Variants in C8orf74 observed in about 807,000 individuals in gnomAD.
C8orf74 encodes the protein chromosome 8 open reading frame 74.
C8orf74 carries 29 observed loss-of-function variants against 22.2 expected under a neutral mutation model. The observed-to-expected ratio is 1.31, with a 90% CI of 0.97 to 1.78. The LOEUF (loss-of-function observed/expected upper bound fraction) is 1.78. Ranked by LOEUF, C8orf74 falls within the 40% of genes most tolerant of loss-of-function variation. C8orf74 has a pLI of 0.00. For missense variants in C8orf74, 515 were observed against 369.9 expected (o/e 1.39, Z -3.22); for synonymous variants, 255 against 163.1 (o/e 1.56, Z -4.30).
chr8:10,685,871 C>T (rs550089295), intron 2 of C8orf74, among the ~76,000 whole-genome samples: 2 of 152,120 alleles, frequency 1.3e-5, no homozygotes, highest in Non-Finnish European at 1.5e-5. Flanking sequence ...AGATTGAGAC[C>T]ATCCTGGCTA....
At chr8:10,696,555 C>A (rs960676669) in intron 2 of C8orf74, among the ~76,000 whole-genome samples, 1 of 146,654 alleles carries the variant, frequency 6.8e-6, no homozygotes. Flanking sequence ...TCAAGCAATT[C>A]TCCTGCCTCA....
chr8:10,698,013 T>C lies in C8orf74; in HGVS notation c.648+8T>C, dbSNP rs929631349. On this transcript the variant is annotated splice_region_variant and intron_variant, in intron 3 of 3. Coordinates refer to ENST00000304519, the MANE Select transcript of C8orf74 (RefSeq NM_001040032.2). ...CAGGTCCTGGAGAGACAGGTGAGGC[T>C]CTGCCCCCCTGCCGTGGGTGGGCAC... The C allele has an allele frequency of 9.6e-6, 14 of 1,459,552 alleles. No individual in the cohort carries two copies. The highest frequency in any genetic ancestry group is 1.3e-5 in the Non-Finnish European group (14 of 1,109,448). The allele number at this position is 1,459,552 out of a possible 1,614,324, so 90.4% of individuals were successfully genotyped here.
At chr8:10,699,773 G>T (rs566103233) in intron 3 of C8orf74, among the ~76,000 whole-genome samples, 30 of 152,332 alleles carry the variant, frequency 2.0e-4, no homozygotes, top group Admixed American at 3.3e-4. Context: ...TGAGGATGGT[G>T]GGGGCCCAGG....
At chr8:10,690,667 G>A (rs1434515863) in intron 2 of C8orf74, among the ~76,000 whole-genome samples, 3 of 152,108 alleles carry the variant, frequency 2.0e-5, no homozygotes, top group South Asian at 4.1e-4. Flanking sequence ...TTCCAGCCCC[G>A]CAGGGGTGTG....
intron 2 of C8orf74, among the ~76,000 whole-genome samples, chr8:10,696,630 T>A (rs535311988): frequency 2.6e-5 from 4 of 151,930 alleles, no homozygotes; most frequent in Non-Finnish European, 5.9e-5. Context: ...GTATTTCTAG[T>A]AGAGACGGGG....
rs774650222 is a variant in C8orf74 at position 10,698,011 on chromosome 8, GCTC to G, written c.648+7_648+9del. 1 of 1,461,960 alleles carries G rather than the reference GCTC, an allele frequency of 6.8e-7. No individual in the cohort carries two copies. Among genetic ancestry groups the G allele is most frequent in the South Asian group, 1.4e-5 (1 of 71,660 alleles). The allele number at this position is 1,461,960 out of a possible 1,614,324, so 90.6% of individuals were successfully genotyped here. ...GCCAGGTCCTGGAGAGACAGGTGAG[GCTC>G]TGCCCCCCTGCCGTGGGTGGGCACC... is the stretch of plus-strand genomic sequence containing the variant. On this transcript the variant is annotated splice_region_variant and intron_variant, in intron 3 of 3. Transcript: ENST00000304519.
chr8:10,680,731 C>G (rs758842494), intron 2 of C8orf74, among the ~76,000 whole-genome samples: 1 of 152,184 alleles, frequency 6.6e-6, no homozygotes, highest in African/African-American at 2.4e-5. Context: ...CCTACCAGAC[C>G]GAGAGAGCAG....
At chr8:10,685,415 G>A (rs1248813927) in intron 2 of C8orf74, among the ~76,000 whole-genome samples, 1 of 152,230 alleles carries the variant, frequency 6.6e-6, no homozygotes. Flanking sequence ...TGGATGAATG[G>A]ATAAGCAGAA....
In C8orf74 at chr8:10,672,672, C is replaced by A. The variant is rs745337664; in HGVS notation, c.7C>A (p.Leu3Ile). The change falls in exon 1 of 4, where the codon CTC (leucine) becomes ATC (isoleucine). Residue 3 changes from leucine (L) to isoleucine (I), a missense_variant. Coordinates refer to ENST00000304519, the MANE Select transcript of C8orf74 (RefSeq NM_001040032.2). ...GCAACCAGATGCAGGGGCCATGGCA[C>A]TCTTAACACCCCAGGGAGTGAAAGA... The part of the protein sequence containing the change: MA[L>I]LTPQGVKEVF... 1.9e-6 allele frequency: 3 copies of A among 1,565,454 alleles called. No homozygotes were observed. Among genetic ancestry groups the A allele is most frequent in the Non-Finnish European group, 2.6e-6 (3 of 1,154,640 alleles).
intron 2 of C8orf74, among the ~76,000 whole-genome samples, chr8:10,683,507 G>A (rs1030556077): frequency 5.3e-5 from 8 of 152,230 alleles, no homozygotes; most frequent in African/African-American, 1.9e-4. Flanking sequence ...ATGGCACTGT[G>A]TCCCTGAGAC....
intron 2 of C8orf74, among the ~76,000 whole-genome samples, chr8:10,677,471 TTTTA>T (rs1442498584): frequency 1.3e-5 from 2 of 152,234 alleles, no homozygotes; most frequent in Non-Finnish European, 2.9e-5. Context: ...ATATATGTCA[TTTTA>T]TTTATTTAAC....
chr8:10,691,028 G>A (rs1227278897), intron 2 of C8orf74: 6 of 434,422 alleles, frequency 1.4e-5, no homozygotes, highest in African/African-American at 1.2e-4. Flanking sequence ...TCCACTTTCT[G>A]AGTCACCAGG....
chr8:10,697,811 C>G lies in C8orf74; in HGVS notation c.454C>G (p.Pro152Ala), dbSNP rs1250026064. ...GGTGTGCATGCCACCCCATCCCCTCCCGCTGGCCGAGGGCATGGACAGGGA... is the reference window on the plus strand; with the variant it reads ...GGTGTGCATGCCACCCCATCCCCTCGCGCTGGCCGAGGGCATGGACAGGGA... ...LEVCMPPHPL[P>A]LAEGMDRDLW... Residue 152 changes from proline (P) to alanine (A), a missense_variant, in exon 3 of 4, where the codon CCG (proline) becomes GCG (alanine). Transcript: ENST00000304519. 1 of 1,613,994 alleles carries G rather than the reference C, an allele frequency of 6.2e-7. No individual in the cohort carries two copies. Among genetic ancestry groups the G allele is most frequent in the Non-Finnish European group, 8.5e-7 (1 of 1,179,892 alleles).
At chr8:10,695,654 G>T (rs764066430) in intron 2 of C8orf74, among the ~76,000 whole-genome samples, 2 of 152,230 alleles carry the variant, frequency 1.3e-5, no homozygotes, top group South Asian at 2.1e-4. Context: ...TGAAGGGAAT[G>T]GGGGGTGGGG....
At chr8:10,673,230 G>A (rs986561810) in intron 1 of C8orf74, among the ~76,000 whole-genome samples, 3 of 152,150 alleles carry the variant, frequency 2.0e-5, no homozygotes, top group Non-Finnish European at 2.9e-5. Context: ...ACTCTTGCGT[G>A]TGGTGGGTGG....
Position 10,672,638 on chromosome 8 carries a change from C to T in C8orf74, c.-28C>T, listed in dbSNP as rs753923677. On this transcript the variant is annotated 5_prime_UTR_variant, in exon 1 of 4. Coordinates refer to ENST00000304519, the MANE Select transcript of C8orf74 (RefSeq NM_001040032.2). ...CGGAAACTCTGAGTCAGTCTGGCTC[C>T]GTCTCCTGGCAACCAGATGCAGGGG... 4.8e-5 allele frequency: 75 copies of T among 1,557,356 alleles called. No individual in the cohort carries two copies. Among genetic ancestry groups the T allele is most frequent in the Admixed American group, 1.2e-4 (6 of 51,798 alleles).
At chr8:10,691,045 T>C in intron 2 of C8orf74, 1 of 421,668 alleles carries the variant, frequency 2.4e-6, no homozygotes, top group South Asian at 1.7e-5. Flanking sequence ...CAGGAACTTC[T>C]CAACCCGAGG....
rs1481786299 is a variant in C8orf74, at chr8:10,697,807, C to A, written c.450C>A (p.Pro150=). 1 of 1,614,006 alleles carries A rather than the reference C, an allele frequency of 6.2e-7. No individual in the cohort carries two copies. Among genetic ancestry groups the A allele is most frequent in the South Asian group, 1.1e-5 (1 of 91,048 alleles). ...TGGAGGTGTGCATGCCACCCCATCCCCTCCCGCTGGCCGAGGGCATGGACA... is the reference window on the plus strand; with the variant it reads ...TGGAGGTGTGCATGCCACCCCATCCACTCCCGCTGGCCGAGGGCATGGACA... ...AHLEVCMPPH[P]LPLAEGMDRD... Residue 150 remains proline (P), a synonymous_variant, in exon 3 of 4, where the codon CCC becomes CCA. Transcript: ENST00000304519.
intron 2 of C8orf74, among the ~76,000 whole-genome samples, chr8:10,684,997 T>C (rs1799231570): frequency 6.6e-6 from 1 of 152,100 alleles, no homozygotes; most frequent in Non-Finnish European, 1.5e-5. Context: ...AAGGAAGGAG[T>C]GATCCACTCC....
Sources: allele counts gnomAD v4.1 joint callset (sites outside exome capture counted in the v4.1 genomes callset), GRCh38; gene constraint gnomAD v4.1.1; transcripts MANE v1.5; gene names NCBI Gene and HGNC (gene_info 2026-07-23, HGNC 2026-07-21).